The following SGMS1 variants were observed in gnomAD, a reference collection of about 807,000 sequenced individuals.
SGMS1 encodes the protein sphingomyelin synthase 1.
A neutral mutation model predicts 46.2 loss-of-function variants in SGMS1; 13 were observed. The observed-to-expected ratio is 0.28, with a 90% CI of 0.18 to 0.45. The LOEUF is 0.45. Among genes scored for constraint, SGMS1 ranks in the 20% least tolerant of loss-of-function variants. The probability of loss-of-function intolerance (pLI) is 1.00; values close to 1 mark genes in which losing one functional copy is unlikely to be tolerated. For missense variants in SGMS1, 324 were observed against 519.9 expected (o/e 0.62, Z 3.66); for synonymous variants, 203 against 187.8 (o/e 1.08, Z -0.66).
chr10:50,462,960 G>C (rs574572487), intron 4 of SGMS1, among the ~76,000 whole-genome samples: 4 of 151,756 alleles, frequency 2.6e-5, no homozygotes, highest in South Asian at 2.1e-4. Context: ...TGAAAAGATG[G>C]GGGTGGTGAA....
intron 6 of SGMS1, among the ~76,000 whole-genome samples, chr10:50,362,366 A>C (rs185814204): frequency 6.6e-6 from 1 of 152,240 alleles, no homozygotes; most frequent in African/African-American, 2.4e-5. Flanking sequence ...GGGGTTGGGG[A>C]CTTAAGATCC....
chr10:50,327,441 C>T (rs913261082), intron 7 of SGMS1, 119 bp from the exon 8 acceptor site: 2 of 674,742 alleles, frequency 3.0e-6, no homozygotes, highest in Non-Finnish European at 5.3e-6. Flanking sequence ...AACTTGAAAC[C>T]AGAATGTTGT....
chr10:50,519,474 C>A (rs925577608), intron 3 of SGMS1, among the ~76,000 whole-genome samples: 1 of 152,210 alleles, frequency 6.6e-6, no homozygotes, highest in Non-Finnish European at 1.5e-5. Context: ...TATCCTAGAA[C>A]CTTTCCTACC....
chr10:50,598,387 T>C (rs151110385), intron 1 of SGMS1, among the ~76,000 whole-genome samples: 8 of 152,326 alleles, frequency 5.3e-5, no homozygotes, highest in Non-Finnish European at 1.0e-4. Flanking sequence ...ACCCAAGCTA[T>C]GGTATTCTTG....
chr10:50,425,537 C>G (rs1351965093), intron 6 of SGMS1, among the ~76,000 whole-genome samples: 1 of 152,136 alleles, frequency 6.6e-6, no homozygotes, highest in Non-Finnish European at 1.5e-5. Flanking sequence ...TAAGTGGGAC[C>G]TAAACATTGG....
chr10:50,418,968 T>C (rs757521961), intron 6 of SGMS1, among the ~76,000 whole-genome samples: 3 of 152,226 alleles, frequency 2.0e-5, no homozygotes, highest in Non-Finnish European at 4.4e-5. Flanking sequence ...AAATAAGCAA[T>C]GCATAAATTT....
At chr10:50,416,978 T>C (rs1589431399) in intron 6 of SGMS1, among the ~76,000 whole-genome samples, 2 of 152,278 alleles carry the variant, frequency 1.3e-5, no homozygotes, top group East Asian at 3.9e-4. Flanking sequence ...CATAAATGCA[T>C]GTGTAATGAT....
intron 6 of SGMS1, among the ~76,000 whole-genome samples, chr10:50,403,854 C>T (rs188533639): frequency 3.2e-4 from 48 of 151,508 alleles, no homozygotes; most frequent in Admixed American, 7.3e-4. Context: ...ACTACAACTA[C>T]TCAGGCCACA....
chr10:50,499,065 G>A (rs77433062), intron 3 of SGMS1, among the ~76,000 whole-genome samples: 4 of 152,016 alleles, frequency 2.6e-5, no homozygotes, highest in Admixed American at 2.6e-4. Flanking sequence ...TTAAACTTTT[G>A]TCCCATCTAT....
chr10:50,617,881 A>ATTT (rs1232490399), intron 1 of SGMS1, among the ~76,000 whole-genome samples: 8 of 134,284 alleles, frequency 6.0e-5, no homozygotes, highest in African/African-American at 1.7e-4. Context: ...CCCTGGCTTA[A>ATTT]TTTTTTTTTT....
intron 6 of SGMS1, among the ~76,000 whole-genome samples, chr10:50,353,390 C>G (rs545515624): frequency 1.1e-3 from 167 of 152,334 alleles, no homozygotes; most frequent in African/African-American, 1.4e-3. Context: ...ATTCAACAAC[C>G]CTTCATGCTA....
intron 2 of SGMS1, among the ~76,000 whole-genome samples, chr10:50,536,815 A>G (rs1838006227): frequency 6.6e-6 from 1 of 152,230 alleles, no homozygotes; most frequent in Admixed American, 6.5e-5. Flanking sequence ...AAAACATGCT[A>G]TAATCATTGT....
At chr10:50,400,028 C>CA (rs55712391) in intron 6 of SGMS1, among the ~76,000 whole-genome samples, 26,024 of 106,968 alleles carry the variant, frequency 0.24, 2,623 homozygotes, top group Admixed American at 0.3. Context: ...GACTCCTTCT[C>CA]AAAAAAAAAA....
At chr10:50,358,575 G>T (rs775875942) in intron 6 of SGMS1, among the ~76,000 whole-genome samples, 2 of 152,148 alleles carry the variant, frequency 1.3e-5, no homozygotes, top group African/African-American at 2.4e-5. Context: ...TGCAATCCCA[G>T]ATACTCAGGA....
chr10:50,589,779 GT>G (rs1564439200), intron 2 of SGMS1, among the ~76,000 whole-genome samples: 2 of 152,162 alleles, frequency 1.3e-5, no homozygotes, highest in African/African-American at 4.8e-5. Context: ...GCCTAAAAAT[GT>G]TTTTAATCTG....
At chr10:50,537,794 C>T (rs934742478) in intron 2 of SGMS1, among the ~76,000 whole-genome samples, 2 of 151,974 alleles carry the variant, frequency 1.3e-5, no homozygotes, top group Non-Finnish European at 2.9e-5. Flanking sequence ...TACATTGTAC[C>T]GTCAGGAAGA....
chr10:50,432,427 C>T (rs200972846), intron 6 of SGMS1, among the ~76,000 whole-genome samples: 2 of 152,108 alleles, frequency 1.3e-5, no homozygotes, highest in East Asian at 1.9e-4. Context: ...TTCCCAGCCT[C>T]GCTTTCAGTG....
chr10:50,490,871 C>G (rs1837561403), intron 3 of SGMS1, among the ~76,000 whole-genome samples: 1 of 152,172 alleles, frequency 6.6e-6, no homozygotes, highest in Non-Finnish European at 1.5e-5. Context: ...CATGGCCTCT[C>G]AAGACCATGT....
chr10:50,495,073 C>CAA (rs35208238), intron 3 of SGMS1, among the ~76,000 whole-genome samples: 30,327 of 86,652 alleles, frequency 0.35, 6,312 homozygotes, highest in Admixed American at 0.41. Context: ...ACAAAAAATA[C>CAA]AAAAAAAAAA....
Sources: gnomAD v4.1 joint callset for allele counts (sites outside exome capture counted in the v4.1 genomes callset) on GRCh38, gnomAD v4.1.1 for gene constraint, MANE v1.5 for transcripts, NCBI Gene and HGNC (gene_info 2026-07-23, HGNC 2026-07-21) for gene names.